GIGYF1: variants seen among roughly 807,000 people sequenced by gnomAD.
GIGYF1 encodes the protein GRB10-interacting GYF protein 1.
A neutral mutation model predicts 147.1 loss-of-function variants in GIGYF1; 84 were observed. That is an observed-to-expected ratio of 0.57 (90% CI 0.48 to 0.68). The LOEUF is 0.68. Ranked by LOEUF, GIGYF1 falls within the 30% of genes least tolerant of loss-of-function variation. GIGYF1 has a pLI of 0.00. For synonymous variants in GIGYF1, 752 were observed against 589.5 expected, an observed-to-expected ratio of 1.28 and a Z score of -3.99; for missense variants, 1,485 against 1,393.7, an observed-to-expected ratio of 1.07 and a Z score of -1.04.
chr7:100,686,142 G>C, intron 11 of GIGYF1, 38 bp downstream of exon 11: 1 of 1,600,864 alleles, frequency 6.2e-7, no homozygotes, highest in Non-Finnish European at 8.5e-7. Context: ...AGAGGACCCC[G>C]GAAGGGCAGG....
rs1480943289 is a variant in GIGYF1, at chr7:100,682,009, G to C, written c.2926-16C>G. The C allele has an allele frequency of 2.5e-6, 4 of 1,609,726 alleles. No individual in the cohort carries two copies. Among genetic ancestry groups the C allele is most frequent in the Non-Finnish European group, 3.4e-6 (4 of 1,179,886 alleles). The stretch of plus-strand genomic sequence containing the variant: ...GCCATGCCTCCTAAGGCAGCGGAGA[G>C]GAGGGTGAAGGTCAGGAGGCACCAG... On this transcript the variant is annotated splice_polypyrimidine_tract_variant and intron_variant, in intron 25 of 26. Coordinates refer to ENST00000678049, the MANE Select transcript of GIGYF1 (RefSeq NM_001375765.1).
rs374892916 is a variant in GIGYF1, at chr7:100,687,779, C to T, written c.261+9G>A. On this transcript the variant is annotated intron_variant, in intron 6 of 26. Transcript: ENST00000678049. ...GCTCCCGCAGCCTCAGCTCCTGGCC[C>T]GGTCCCACCTGTTCCTCCTCAGTCA... is the stretch of plus-strand genomic sequence containing the variant. 2.9e-5 allele frequency: 47 copies of T among 1,611,248 alleles called. No homozygotes were observed. Among genetic ancestry groups the T allele is most frequent in the Non-Finnish European group, 3.6e-5 (42 of 1,179,578 alleles).
In GIGYF1 at chr7:100,682,252, G is replaced by C; in HGVS notation, c.2762-17C>G. The C allele has an allele frequency of 6.2e-7, 1 of 1,608,844 alleles. No individual in the cohort carries two copies. Among genetic ancestry groups the C allele is most frequent in the East Asian group, 2.2e-5 (1 of 44,828 alleles). The stretch of plus-strand genomic sequence containing the variant: ...CCATGGGCACTGCAGGATGAGCGAA[G>C]GCTGTCAGGGCCCCCTGGCCGGGTC... On this transcript the variant is annotated splice_polypyrimidine_tract_variant and intron_variant, in intron 24 of 26. Transcript: ENST00000678049.
chr7:100,682,750 G>T lies in GIGYF1; in HGVS notation c.2440C>A (p.Leu814Met). ...CCAGCCTCAGACACCCACTGGTTCA[G>T]GGGGGCAGTGCCCAGGCCCCCAAGC... ...VQLGGLGTAP[L>M]NQWVSEAGPL... The change falls in exon 23 of 27, where the codon CTG becomes ATG. Residue 814 changes from leucine to methionine, a missense_variant. Transcript: ENST00000678049. The T allele has an allele frequency of 6.5e-7, 1 of 1,539,494 alleles. No homozygotes were observed. The highest frequency in any genetic ancestry group is 1.3e-5 in the South Asian group (1 of 79,154).
rs758903065 is a variant in GIGYF1, at chr7:100,683,015, T to C, written c.2409A>G (p.Arg803=). 4.6e-6 allele frequency: 7 copies of C among 1,524,826 alleles called. No homozygotes were observed. In the Admixed American group the frequency reaches 1.4e-4, roughly 30 times the overall value. 94.5% of individuals were successfully genotyped at this position (1,524,826 alleles called of 1,614,324 possible). ...EPARAQAPNH[R]VQLGGLGTAP... ...GGGAGGTTCCCGGCCTGCTCACCACTCGGTGGTTGGGGGCCTGGGCCCGAG... is the reference window on the plus strand; with the variant it reads ...GGGAGGTTCCCGGCCTGCTCACCACCCGGTGGTTGGGGGCCTGGGCCCGAG... The change falls in exon 22 of 27, where the codon CGA becomes CGG. Residue 803 remains arginine (R), a synonymous_variant. Coordinates refer to ENST00000678049, the MANE Select transcript of GIGYF1 (RefSeq NM_001375765.1).
rs370899278 is a variant in GIGYF1 at position 100,687,425 on chromosome 7, G to A, written c.374-19C>T. On this transcript the variant is annotated intron_variant, in intron 7 of 26. Transcript: ENST00000678049. ...CCGCGGCCTAGAGAAGAGGCCAGAC[G>A]CACAATGAAACCTGCTGCACGTTCT... 99 of 1,611,866 alleles carry A rather than the reference G, an allele frequency of 6.1e-5. 1 individual carries two copies. Among genetic ancestry groups the A allele is most frequent in the Non-Finnish European group, 7.6e-5 (90 of 1,178,894 alleles).
At chr7:100,687,746 C>A (rs986738005) in intron 6 of GIGYF1, 42 bp downstream of exon 6, 2 of 1,597,164 alleles carry the variant, frequency 1.3e-6, no homozygotes, top group Non-Finnish European at 1.7e-6. Flanking sequence ...CATGGCCTCC[C>A]CTCCCAGGCT....
intron 13 of GIGYF1, 21 bp downstream of exon 13, chr7:100,685,323 T>C (rs1805214101): frequency 6.3e-7 from 1 of 1,576,458 alleles, no homozygotes; most frequent in East Asian, 2.3e-5. Context: ...ACCCGGGAGG[T>C]AGGCCATCCT....
Position 100,683,316 on chromosome 7 carries a change from A to T in GIGYF1, c.2181T>A (p.Phe727Leu). The change falls in exon 21 of 27, where the codon TTT becomes TTA. Residue 727 changes from phenylalanine to leucine, a missense_variant. By Grantham distance (22) the Phe-to-Leu change is conservative. Transcript: ENST00000678049. ...TGGGAGCACCCACGTGCTTGCGCCGAAACAGCTCTTCCTCCTCCTGCCGCC... is the reference window on the plus strand; with the variant it reads ...TGGGAGCACCCACGTGCTTGCGCCGTAACAGCTCTTCCTCCTCCTGCCGCC... ...QKRRQEEEEL[F>L]RRKHVRQQEL... 6.2e-7 allele frequency: 1 copy of T among 1,613,890 alleles called. No individual in the cohort carries two copies. Among genetic ancestry groups the T allele is most frequent in the Non-Finnish European group, 8.5e-7 (1 of 1,180,030 alleles).
In GIGYF1 at chr7:100,687,298, C is replaced by T; in HGVS notation, c.482G>A (p.Arg161Lys). ...GCGCCATGCCCCCTCCCCGCCCCAC[C>T]TGTCATCCCAGCTCTGGCTGCGCTG... ...EIQRSQSWDD[R>K]GERRFEKSAR... The change falls in exon 8 of 27, where the codon AGA becomes AAA. Residue 161 changes from arginine (R) to lysine (K), a missense_variant and splice_region_variant. By Grantham distance (26) the Arg-to-Lys change is conservative. Coordinates refer to ENST00000678049, the MANE Select transcript of GIGYF1 (RefSeq NM_001375765.1). 1 of 1,612,232 alleles carries T rather than the reference C, an allele frequency of 6.2e-7. No homozygotes were observed. Among genetic ancestry groups the T allele is most frequent in the Non-Finnish European group, 8.5e-7 (1 of 1,179,384 alleles).
intron 12 of GIGYF1, 126 bp from the exon 13 acceptor site, chr7:100,685,607 T>C: frequency 9.5e-7 from 1 of 1,051,548 alleles, no homozygotes; most frequent in Non-Finnish European, 1.4e-6. Flanking sequence ...CCACTTCACT[T>C]GGGTCAACTC....
At position 100,688,219 on chromosome 7, in the gene GIGYF1, T is replaced by G; in HGVS notation, c.20A>C (p.Asn7Thr). Residue 7 changes from asparagine to threonine, a missense_variant, in exon 4 of 27, where the codon AAC becomes ACC. Coordinates refer to ENST00000678049, the MANE Select transcript of GIGYF1 (RefSeq NM_001375765.1). ...AGTGACTCACCACTCAGGCCCAAAG[T>G]TGAGTGTCTCTGCTGCCATCGTGGG... MAAETL[N>T]FGPEWLRALS... The G allele has an allele frequency of 2.5e-6, 4 of 1,612,560 alleles. No individual in the cohort carries two copies. Among genetic ancestry groups the G allele is most frequent in the Non-Finnish European group, 3.4e-6 (4 of 1,179,480 alleles).
chr7:100,683,990 GT>G (rs1354316298), intron 18 of GIGYF1, 29 bp downstream of exon 18: 2 of 1,588,774 alleles, frequency 1.3e-6, no homozygotes, highest in South Asian at 2.3e-5. Context: ...CCCCCACCCT[GT>G]ATCCTGAGGG....
intron 15 of GIGYF1, 48 bp from the exon 16 acceptor site, chr7:100,684,664 T>C (rs753007320): frequency 1.2e-6 from 2 of 1,612,428 alleles, no homozygotes; most frequent in Middle Eastern, 1.6e-4. Flanking sequence ...TCACAGGGTA[T>C]GCCAGAGACA....
At chr7:100,687,663 A>ACCC in intron 6 of GIGYF1, 47 bp from the exon 7 acceptor site, 1 of 1,384,950 alleles carries the variant, frequency 7.2e-7, no homozygotes. Context: ...GCACCCAACC[A>ACCC]CCTCCACCCC....
In GIGYF1 at chr7:100,688,981, C is replaced by T. The variant is rs1471989385; in HGVS notation, c.-524G>A. ...AAAAACCCACTAGAGCCACAAATAGCTTACAGAGAAAAGGTCAGTTACGGA... is the reference window on the plus strand; with the variant it reads ...AAAAACCCACTAGAGCCACAAATAGTTTACAGAGAAAAGGTCAGTTACGGA... On this transcript the variant is annotated 5_prime_UTR_variant, in exon 2 of 27. Transcript: ENST00000678049. The T allele has an allele frequency of 6.5e-6, 1 of 153,178 alleles. No homozygotes were observed. Among genetic ancestry groups the T allele is most frequent in the Non-Finnish European group, 1.5e-5 (1 of 68,654 alleles). 9.5% of individuals were successfully genotyped at this position (153,178 alleles called of 1,614,324 possible).
chr7:100,687,824 C>T lies in GIGYF1; in HGVS notation c.225G>A (p.Gln75=), dbSNP rs1460965737. ...CAGTCAGCGGCTCCAGAGCCAGGGG[C>T]TGCAGTGGCTCGTCCTGCAGCACCG... The part of the protein sequence containing the change: ...FAAVLQDEPL[Q]PLALEPLTEE... Residue 75 remains glutamine, a synonymous_variant, in exon 6 of 27, where the codon CAG becomes CAA. Coordinates refer to ENST00000678049, the MANE Select transcript of GIGYF1 (RefSeq NM_001375765.1). The T allele has an allele frequency of 6.2e-7, 1 of 1,612,986 alleles. No individual in the cohort carries two copies. The highest frequency in any genetic ancestry group is 2.2e-5 in the East Asian group (1 of 44,880).
rs373365896 is a variant in GIGYF1 at position 100,684,789 on chromosome 7, C to T, written c.1396G>A (p.Ala466Thr). ...GCAGCCCCATGGCTGAGCGGGAGGG[C>T]AGTGGCGGCTGCAGAGTGGCGCAGG... ...QGLRHSAAAT[A>T]LPLSHGAARK... Residue 466 changes from alanine (A) to threonine (T), a missense_variant, in exon 15 of 27, where the codon GCC (alanine) becomes ACC (threonine). Ala to Thr is a moderately conservative substitution (Grantham distance 58, BLOSUM62 0). Transcript: ENST00000678049. The T allele has an allele frequency of 4.3e-6, 7 of 1,611,582 alleles. No individual in the cohort carries two copies. The African/African-American group carries it at 9.3e-5, about 22-fold the overall frequency.
intron 9 of GIGYF1, 37 bp downstream of exon 9, chr7:100,686,969 C>G: frequency 6.2e-7 from 1 of 1,613,148 alleles, no homozygotes; most frequent in South Asian, 1.1e-5. Flanking sequence ...CTTGGTCCTC[C>G]CTGCCGCCCC....
Sources: allele counts gnomAD v4.1 joint callset, GRCh38; gene constraint gnomAD v4.1.1; transcripts MANE v1.5; gene names NCBI Gene and HGNC (gene_info 2026-07-23, HGNC 2026-07-21).